Variants in CMTM1 observed in about 807,000 individuals in gnomAD.
CMTM1 encodes CKLF like MARVEL transmembrane domain containing 1.
CMTM1 carries 16 observed loss-of-function variants against 17.8 expected under a neutral mutation model. The observed-to-expected ratio is 0.90, with a 90% confidence interval of 0.61 to 1.37. CMTM1 has a LOEUF of 1.37. CMTM1 is among the 40% of genes most tolerant of loss of function. The pLI, the probability that CMTM1 is intolerant of heterozygous loss-of-function variation, is 0.00. For synonymous variants in CMTM1, 169 were observed against 154.6 expected (o/e 1.09, Z -0.69); for missense variants, 354 against 375.6 (o/e 0.94, Z 0.47).
At chr16:66,570,229 GC>G in intron 2 of CMTM1, 135 bp downstream of exon 2, 1 of 694,126 alleles carries the variant, frequency 1.4e-6, no homozygotes, top group South Asian at 2.3e-5. Context: ...TTAGGGTGTT[GC>G]CCTGGTCCAG....
intron 2 of CMTM1, among the ~76,000 whole-genome samples, chr16:66,572,020 G>C (rs1266884807): frequency 6.6e-6 from 1 of 152,218 alleles, no homozygotes; most frequent in Non-Finnish European, 1.5e-5. Context: ...CCCCCTTGCT[G>C]TGTCTGTCTT....
chr16:66,569,307 G>A (rs1389249876), intron 1 of CMTM1, among the ~76,000 whole-genome samples: 2 of 152,180 alleles, frequency 1.3e-5, no homozygotes, highest in African/African-American at 4.8e-5. Flanking sequence ...TGGGGAACTT[G>A]ACCAACACAA....
At position 66,566,451 on chromosome 16, in the gene CMTM1, C is replaced by A; in HGVS notation, c.-63C>A. 2 of 1,499,756 alleles carry A rather than the reference C, an allele frequency of 1.3e-6. No homozygotes were observed. Among genetic ancestry groups the A allele is most frequent in the South Asian group, 1.3e-5 (1 of 76,234 alleles). The allele number at this position is 1,499,756 out of a possible 1,614,324, so 92.9% of individuals were successfully genotyped here. On this transcript the variant is annotated 5_prime_UTR_variant, in exon 1 of 4. Coordinates refer to ENST00000379500, the MANE Select transcript of CMTM1 (RefSeq NM_052999.4). This position sits in a 1 kb window ranked among gnomAD's most constrained non-coding sequence, Gnocchi z 4.9. ...CAGCCGTTGGGACGCGACGCTGGTT[C>A]CCAGGGGAGAGCCAGCCGCTGCCGC...
chr16:66,570,223 G>A, intron 2 of CMTM1, 129 bp downstream of exon 2: 1 of 722,788 alleles, frequency 1.4e-6, no homozygotes, highest in Admixed American at 2.8e-5. Flanking sequence ...TGACAGTTAG[G>A]GTGTTGCCCT....
At chr16:66,569,142 CT>C (rs1049820247) in intron 1 of CMTM1, among the ~76,000 whole-genome samples, 4 of 152,136 alleles carry the variant, frequency 2.6e-5, no homozygotes, top group Non-Finnish European at 5.9e-5. Context: ...GGGAAGAAAA[CT>C]TTAAAACTCT....
rs1290747205 is a variant in CMTM1 at position 66,578,947 on chromosome 16, C to A, written c.807C>A (p.Pro269=). The A allele has an allele frequency of 1.2e-6, 2 of 1,614,156 alleles. No homozygotes were observed. The highest frequency in any genetic ancestry group is 1.7e-6 in the Non-Finnish European group (2 of 1,180,036). ...TCGAAGTTGAAAGGAAGCTTTCCCC[C>A]GCCAAGGACGCCTACCCCGAAACCG... ...LGVEVERKLS[P]AKDAYPETGP... The change falls in exon 4 of 4, where the codon CCC becomes CCA. Residue 269 remains proline, a synonymous_variant. Transcript: ENST00000379500.
intron 2 of CMTM1, among the ~76,000 whole-genome samples, chr16:66,571,983 C>G (rs1248830897): frequency 6.6e-6 from 1 of 152,240 alleles, no homozygotes; most frequent in Admixed American, 6.5e-5. Flanking sequence ...GGGTTACAGG[C>G]CTTTGGTCAA....
chr16:66,566,587 C>T lies in CMTM1; in HGVS notation c.74C>T (p.Ala25Val). The T allele has an allele frequency of 2.5e-6, 4 of 1,614,060 alleles. No homozygotes were observed. Among genetic ancestry groups the T allele is most frequent in the Non-Finnish European group, 3.4e-6 (4 of 1,179,982 alleles). Residue 25 changes from alanine to valine, a missense_variant, in exon 1 of 4, where the codon GCA becomes GTA. Physicochemically the swap from Ala to Val is moderately conservative, Grantham distance 64. Coordinates refer to ENST00000379500, the MANE Select transcript of CMTM1 (RefSeq NM_052999.4). This position sits in a 1 kb window ranked among gnomAD's most constrained non-coding sequence, Gnocchi z 4.9. Reference protein sequence around the residue: ...SGNLKQPETAAALASSGSVVS... With the variant: ...SGNLKQPETAVALASSGSVVS... ...AACTTGAAACAACCGGAGACTGCCG[C>T]AGCCCTGGCAAGTAGCGGCAGCGTA...
At chr16:66,568,593 T>C (rs1028131356) in intron 1 of CMTM1, among the ~76,000 whole-genome samples, 1 of 151,994 alleles carries the variant, frequency 6.6e-6, no homozygotes, top group Non-Finnish European at 1.5e-5. Flanking sequence ...GAAATAATAT[T>C]TGAAAAGAGG....
At chr16:66,575,039 A>C in intron 2 of CMTM1, 2 of 985,406 alleles carry the variant, frequency 2.0e-6, no homozygotes, top group South Asian at 9.4e-5. Flanking sequence ...CCCAGCTGGG[A>C]CTTACTTCCA....
intron 3 of CMTM1, 28 bp downstream of exon 3, chr16:66,577,230 T>G (rs1597181493): frequency 6.4e-7 from 1 of 1,573,630 alleles, no homozygotes; most frequent in East Asian, 2.2e-5. Context: ...TGACTCCATT[T>G]AAGATCAGTA....
intron 2 of CMTM1, among the ~76,000 whole-genome samples, chr16:66,574,548 T>C (rs1195120232): frequency 1.3e-5 from 2 of 152,228 alleles, no homozygotes; most frequent in Non-Finnish European, 2.9e-5. Flanking sequence ...AAATGTGAGC[T>C]AGCTACAATA....
At chr16:66,567,154 CTTTTTTTTT>C in intron 1 of CMTM1, 1 of 555,990 alleles carries the variant, frequency 1.8e-6, no homozygotes, top group Non-Finnish European at 3.1e-6. Flanking sequence ...CCTATTTTTT[CTTTTTTTTT>C]TTTTTTTATT....
Position 66,566,746 on chromosome 16 carries a change from C to T in CMTM1, c.233C>T (p.Ser78Leu). 6.2e-7 allele frequency: 1 copy of T among 1,613,850 alleles called. No individual in the cohort carries two copies. The highest frequency in any genetic ancestry group is 8.5e-7 in the Non-Finnish European group (1 of 1,179,896). ...RPQGSEGTAP[S>L]RKATTRPPPK... is the part of the protein sequence containing the mutation. ...CAAGGCAGTGAGGGCACCGCACCCT[C>T]AAGGAAAGCCACCACACGCCCACCC... The change falls in exon 1 of 4, where the codon TCA becomes TTA. Residue 78 changes from serine (S) to leucine (L), a missense_variant. Ser to Leu is a moderately radical substitution (Grantham distance 145). Transcript: ENST00000379500. The surrounding 1 kb of genome is among the most constrained non-coding windows in gnomAD (Gnocchi z 4.9).
intron 2 of CMTM1, among the ~76,000 whole-genome samples, chr16:66,575,798 T>C (rs1156442306): frequency 6.6e-6 from 1 of 152,228 alleles, no homozygotes; most frequent in Non-Finnish European, 1.5e-5. Flanking sequence ...TACCATACAC[T>C]GGATGGCAGT....
At chr16:66,567,742 CAT>C (rs1218905226) in intron 1 of CMTM1, among the ~76,000 whole-genome samples, 2 of 152,050 alleles carry the variant, frequency 1.3e-5, no homozygotes, top group Non-Finnish European at 2.9e-5. Context: ...GAAGAAAAGA[CAT>C]ATATTTAAAA....
chr16:66,570,073 C>T lies in CMTM1; in HGVS notation c.570C>T (p.Thr190=), dbSNP rs1163366774. The stretch of plus-strand genomic sequence containing the variant: ...TGCTAACCCTTCACCACTTGCTGAC[C>T]TATTTACATTGGCCCTTACTTGTAA... The part of the protein sequence containing the change: ...IYVLTLHHLL[T]YLHWPLLDLT... The change falls in exon 2 of 4, where the codon ACC becomes ACT. Residue 190 remains threonine (T), a synonymous_variant. Transcript: ENST00000379500. The T allele has an allele frequency of 2.5e-6, 4 of 1,601,776 alleles. No individual in the cohort carries two copies. The highest frequency in any genetic ancestry group is 3.4e-6 in the Non-Finnish European group (4 of 1,176,434).
chr16:66,572,052 T>G (rs4783678), intron 2 of CMTM1, among the ~76,000 whole-genome samples: 7,652 of 152,204 alleles, frequency 0.05, 310 homozygotes, highest in East Asian at 0.12. Context: ...TCCTCTTTTT[T>G]GGGGATGACT....
At position 66,578,924 on chromosome 16, in the gene CMTM1, G is replaced by A. The variant is rs779468403; in HGVS notation, c.784G>A (p.Glu262Lys). 17 of 1,614,132 alleles carry A rather than the reference G, an allele frequency of 1.1e-5. No homozygotes were observed. The highest frequency in any genetic ancestry group is 1.4e-5 in the Non-Finnish European group (17 of 1,180,030). Reference sequence around the variant, plus strand: ...CAACTTGAAAAGATTCCTGGGAGTCGAAGTTGAAAGGAAGCTTTCCCCCGC... The same window carrying A: ...CAACTTGAAAAGATTCCTGGGAGTCAAAGTTGAAAGGAAGCTTTCCCCCGC... ...RTNLKRFLGV[E>K]VERKLSPAKD... The change falls in exon 4 of 4, where the codon GAA becomes AAA. Residue 262 changes from glutamate to lysine, a missense_variant. Glu to Lys is a moderately conservative substitution (Grantham distance 56). Transcript: ENST00000379500.
Sources: gnomAD v4.1 joint callset for allele counts (sites outside exome capture counted in the v4.1 genomes callset) on GRCh38, gnomAD v4.1.1 for gene constraint, Gnocchi (gnomAD v3.1) non-coding constraint, MANE v1.5 for transcripts, NCBI Gene and HGNC (gene_info 2026-07-23, HGNC 2026-07-21) for gene names.